Variants in DLG2 observed in about 807,000 individuals in gnomAD.
DLG2 encodes the protein disks large homolog 2.
Under a neutral mutation model 132.5 loss-of-function variants are expected in DLG2, and 45 were observed. The ratio of observed to expected loss-of-function variants is 0.34; its 90% CI spans 0.27 to 0.44. The LOEUF (loss-of-function observed/expected upper bound fraction) is 0.44, where lower values mean the gene tolerates loss of function less well. DLG2 is among the 20% of genes least tolerant of loss of function. DLG2 has a pLI of 1.00. For synonymous variants in DLG2, 424 were observed against 419.6 expected (o/e 1.01, Z -0.13); for missense variants, 1,045 against 1,196.9 (o/e 0.87, Z 1.87).
At chr11:84,767,236 A>G (rs986917134) in intron 6 of DLG2, among the ~76,000 whole-genome samples, 4 of 151,798 alleles carry the variant, frequency 2.6e-5, no homozygotes, top group African/African-American at 4.8e-5. Flanking sequence ...ATCTTATATT[A>G]GAATACTGGT....
intron 7 of DLG2, among the ~76,000 whole-genome samples, chr11:84,494,346 G>A (rs980134976): frequency 1.3e-5 from 2 of 152,140 alleles, no homozygotes; most frequent in Non-Finnish European, 2.9e-5. Flanking sequence ...CTCAACATGA[G>A]GGTGAAAACA....
At chr11:83,470,409 G>A (rs1031627286) in intron 24 of DLG2, among the ~76,000 whole-genome samples, 13 of 152,004 alleles carry the variant, frequency 8.6e-5, no homozygotes, top group East Asian at 1.9e-4. Flanking sequence ...TAATTTTCTC[G>A]TTTAACTTTC....
chr11:84,077,079 C>G (rs774628813), intron 10 of DLG2, among the ~76,000 whole-genome samples: 14 of 152,178 alleles, frequency 9.2e-5, no homozygotes, highest in Non-Finnish European at 1.9e-4. Context: ...CTTAAGTCAT[C>G]TCTGAATATT....
intron 3 of DLG2, among the ~76,000 whole-genome samples, chr11:85,514,547 C>T (rs116857245): frequency 1.5e-3 from 227 of 152,056 alleles, no homozygotes; most frequent in South Asian, 2.1e-3. Flanking sequence ...CTTTTTGGAA[C>T]ACTGAATACC....
intron 2 of DLG2, among the ~76,000 whole-genome samples, chr11:85,600,136 T>G (rs1461563937): frequency 6.6e-6 from 1 of 152,180 alleles, no homozygotes; most frequent in African/African-American, 2.4e-5. Context: ...TCTACTGACT[T>G]ACCTGTAACT....
chr11:83,469,432 C>A, intron 24 of DLG2, 59 bp from the exon 25 acceptor site: 1 of 1,297,040 alleles, frequency 7.7e-7, no homozygotes, highest in Non-Finnish European at 1.1e-6. Flanking sequence ...ACTTGCTTTA[C>A]ACCTATATTC....
chr11:85,280,537 C>A (rs1287410225), intron 4 of DLG2, among the ~76,000 whole-genome samples: 1 of 152,028 alleles, frequency 6.6e-6, no homozygotes, highest in Non-Finnish European at 1.5e-5. Context: ...AACTTACTTT[C>A]TTTCTGTCAC....
intron 18 of DLG2, among the ~76,000 whole-genome samples, chr11:83,719,619 C>T (rs1465762083): frequency 6.6e-6 from 1 of 152,126 alleles, no homozygotes; most frequent in Admixed American, 6.6e-5. Flanking sequence ...TGGCAACCAG[C>T]TCTGAAGGAA....
intron 3 of DLG2, chr11:85,469,659 A>G (rs1237763688): frequency 6.6e-6 from 1 of 152,236 alleles, no homozygotes; most frequent in African/African-American, 2.4e-5. Flanking sequence ...GGATTCGCAT[A>G]CAAGGTTTGT....
At chr11:85,141,889 T>G (rs2076506815) in intron 5 of DLG2, among the ~76,000 whole-genome samples, 1 of 151,888 alleles carries the variant, frequency 6.6e-6, no homozygotes, top group Admixed American at 6.6e-5. Context: ...ATTTTTGCAT[T>G]CTCTATTCTG....
At chr11:83,658,605 G>T (rs1379036895) in intron 18 of DLG2, among the ~76,000 whole-genome samples, 1 of 152,206 alleles carries the variant, frequency 6.6e-6, no homozygotes, top group Non-Finnish European at 1.5e-5. Context: ...TTTTAGCTTA[G>T]TAAAATTCAC....
At chr11:84,483,437 A>C (rs2099143054) in intron 7 of DLG2, among the ~76,000 whole-genome samples, 1 of 57,622 alleles carries the variant, frequency 1.7e-5, no homozygotes, top group African/African-American at 8.5e-5. Flanking sequence ...CCTCAAAAAA[A>C]AAAAAAAAAA....
At chr11:84,057,708 G>C (rs149444850) in intron 11 of DLG2, among the ~76,000 whole-genome samples, 2 of 152,072 alleles carry the variant, frequency 1.3e-5, no homozygotes, top group Non-Finnish European at 2.9e-5. Flanking sequence ...TTTGTTGGTC[G>C]GTCAGTTTGT....
chr11:84,413,382 G>A (rs1380367407), intron 7 of DLG2, among the ~76,000 whole-genome samples: 1 of 152,176 alleles, frequency 6.6e-6, no homozygotes, highest in Non-Finnish European at 1.5e-5. Context: ...CAAGGAAAGA[G>A]GAGGCATAAA....
intron 18 of DLG2, among the ~76,000 whole-genome samples, chr11:83,643,136 G>A (rs371146303): frequency 1.5e-4 from 23 of 151,886 alleles, no homozygotes; most frequent in African/African-American, 5.3e-4. Flanking sequence ...AATAGAAAGC[G>A]GTGACAAAAG....
intron 6 of DLG2, among the ~76,000 whole-genome samples, chr11:85,078,299 T>A (rs1207114674): frequency 6.6e-6 from 1 of 151,078 alleles, no homozygotes; most frequent in South Asian, 2.1e-4. Flanking sequence ...TATAAGGTTA[T>A]TGAGGAAGGC....
In DLG2 at chr11:83,915,959, A is replaced by G. The variant is rs143576259; in HGVS notation, c.1496+14369T>C. Among the ~76,000 whole-genome samples the G allele has an allele frequency of 5.3e-3, 813 of 152,212 alleles. 13 individuals are homozygous for G. Among genetic ancestry groups the G allele is most frequent in the African/African-American group, 0.019 (778 of 41,552 alleles). ...TATGACTCTACAGATTTATTTGCCT[A>G]TTGTTGACATTTCACAGAAATGGAA... On this transcript the variant is annotated intron_variant, in intron 15 of 27. Coordinates refer to ENST00000376104, the MANE Select transcript of DLG2 (RefSeq NM_001142699.3).
At chr11:84,509,807 C>G (rs777037630) in intron 7 of DLG2, among the ~76,000 whole-genome samples, 4 of 151,778 alleles carry the variant, frequency 2.6e-5, no homozygotes, top group Non-Finnish European at 5.9e-5. Flanking sequence ...AAAATGTGAT[C>G]TAATATATGA....
intron 8 of DLG2, among the ~76,000 whole-genome samples, chr11:84,236,053 A>G (rs2154339490): frequency 6.6e-6 from 1 of 151,826 alleles, no homozygotes; most frequent in African/African-American, 2.4e-5. Context: ...TTTTATTAAA[A>G]AAAAAAAAAA....
Sources: allele counts gnomAD v4.1 joint callset (sites outside exome capture counted in the v4.1 genomes callset), GRCh38; gene constraint gnomAD v4.1.1; transcripts MANE v1.5; gene names NCBI Gene and HGNC (gene_info 2026-07-23, HGNC 2026-07-21).